SOD2: variants seen among roughly 807,000 people sequenced by gnomAD.
SOD2 encodes the protein superoxide dismutase 2, also known as superoxide dismutase [Mn], mitochondrial.
A neutral mutation model predicts 27.0 loss-of-function variants in SOD2; 11 were observed. That is an observed-to-expected ratio of 0.41 (90% CI 0.26 to 0.67). The LOEUF (loss-of-function observed/expected upper bound fraction) is 0.67. Ranked by LOEUF, SOD2 falls within the 30% of genes least tolerant of loss-of-function variation. SOD2 has a pLI of 0.34. For synonymous variants in SOD2, 105 were observed against 103.0 expected (o/e 1.02, Z -0.12); for missense variants, 250 against 274.5 (o/e 0.91, Z 0.63).
At chr6:159,723,944 G>A (rs1273746726) in intron 1 of SOD2, among the ~76,000 whole-genome samples, 1 of 151,970 alleles carries the variant, frequency 6.6e-6, no homozygotes, top group Admixed American at 6.6e-5. Context: ...TTTGTATTTT[G>A]TAGAGACAAG....
chr6:159,735,047 TAAA>T (rs750259713), intron 1 of SOD2, among the ~76,000 whole-genome samples: 2 of 152,210 alleles, frequency 1.3e-5, no homozygotes, highest in South Asian at 2.1e-4. Context: ...TTTTGTATAA[TAAA>T]GAAGCTAATT....
intron 1 of SOD2, chr6:159,712,953 C>T: frequency 1.6e-6 from 1 of 608,422 alleles, no homozygotes; most frequent in Middle Eastern, 2.7e-4. Context: ...TGCATATTAG[C>T]TTTGTCTTTT....
chr6:159,740,044 G>A (rs1316498143), intron 1 of SOD2, among the ~76,000 whole-genome samples: 1 of 151,608 alleles, frequency 6.6e-6, no homozygotes, highest in African/African-American at 2.4e-5. Flanking sequence ...ATAGAGGTGA[G>A]GTGCTGCTCA....
At chr6:159,750,775 C>T (rs1198108763) in intron 1 of SOD2, among the ~76,000 whole-genome samples, 1 of 152,338 alleles carries the variant, frequency 6.6e-6, no homozygotes, top group East Asian at 1.9e-4. Context: ...ATAAAATTGG[C>T]TGTAAGCCAG....
intron 1 of SOD2, among the ~76,000 whole-genome samples, chr6:159,708,767 T>A (rs562269892): frequency 6.6e-6 from 1 of 152,178 alleles, no homozygotes; most frequent in South Asian, 2.1e-4. Context: ...TGGAAAAAAC[T>A]ACTTTAAAGT....
chr6:159,709,618 CAGGTGCTGGAG>C (rs1341748353), intron 1 of SOD2, among the ~76,000 whole-genome samples: 2 of 152,132 alleles, frequency 1.3e-5, no homozygotes, highest in Non-Finnish European at 2.9e-5. Context: ...CAGGAAACAA[CAGGTGCTGGAG>C]AGGATGTGGA....
At chr6:159,729,959 T>C (rs1778467198), upstream of SOD2, among the ~76,000 whole-genome samples, 1 of 152,210 alleles carries the variant, frequency 6.6e-6, no homozygotes, top group African/African-American at 2.4e-5. Flanking sequence ...AACTCCATAC[T>C]AAGCTGTTTT....
At chr6:159,761,604 CGA>C in exon 1 of SOD2, 1 of 455,866 alleles carries the variant, frequency 2.2e-6, no homozygotes, top group Non-Finnish European at 4.4e-6. Flanking sequence ...GGCTCGCACT[CGA>C]GATTCTCGCC....
rs143645511 is a variant in SOD2 at position 159,740,894 on chromosome 6, G to A, written c.-116+4236C>T. Among the ~76,000 whole-genome samples, 953 of 152,018 alleles carry A rather than the reference G, an allele frequency of 6.3e-3. 11 individuals are homozygous for A. The highest frequency in any genetic ancestry group is 0.022 in the African/African-American group (919 of 41,472). On this transcript the variant is annotated intron_variant, in intron 1 of 3. Transcript: ENST00000537657. ...TTTTTTTGTATTTTCAGTAGAGACG[G>A]GATTTCACTGTGTTGGCCAGGATGG...
chr6:159,758,711 G>C (rs1780064707), intron 1 of SOD2, among the ~76,000 whole-genome samples: 1 of 152,172 alleles, frequency 6.6e-6, no homozygotes, highest in Non-Finnish European at 1.5e-5. Context: ...GTGGTAAGGA[G>C]TACACTGCTG....
upstream of SOD2, among the ~76,000 whole-genome samples, chr6:159,695,470 G>A (rs1023813139): frequency 2.0e-5 from 3 of 152,100 alleles, no homozygotes; most frequent in African/African-American, 7.2e-5. Context: ...GGATATGGGA[G>A]GTAAAGAAAA....
At chr6:159,734,256 C>G (rs751526689) in intron 1 of SOD2, among the ~76,000 whole-genome samples, 29 of 151,742 alleles carry the variant, frequency 1.9e-4, no homozygotes, top group Non-Finnish European at 3.4e-4. Context: ...TCAAGCAGCT[C>G]TCCTGCCTCA....
chr6:159,749,120 A>G, upstream of SOD2: 2 of 986,318 alleles, frequency 2.0e-6, no homozygotes, highest in Non-Finnish European at 2.4e-6. Flanking sequence ...AATGGTTGCA[A>G]AAACTGTAGA....
chr6:159,713,258 C>T (rs1293707096), intron 1 of SOD2: 14 of 719,190 alleles, frequency 1.9e-5, no homozygotes, highest in African/African-American at 7.1e-5. Flanking sequence ...ATTACAGCCA[C>T]GATAGTCATC....
chr6:159,715,985 A>C (rs892526795), intron 1 of SOD2, among the ~76,000 whole-genome samples: 1 of 152,154 alleles, frequency 6.6e-6, no homozygotes, highest in African/African-American at 2.4e-5. Context: ...TGTCTTATAA[A>C]AGTTTGGTTT....
chr6:159,755,341 A>G (rs1340394472), intron 1 of SOD2: 1 of 1,614,234 alleles, frequency 6.2e-7, no homozygotes, highest in Non-Finnish European at 8.5e-7. Flanking sequence ...CTTCTTCTCC[A>G]GGGAATGGTA....
At chr6:159,692,922 G>C (rs769898701) in intron 1 of SOD2, 59 bp from the exon 2 acceptor site, 13 of 1,442,420 alleles carry the variant, frequency 9.0e-6, no homozygotes, top group Admixed American at 5.0e-5. Context: ...TACGCAGGCT[G>C]GGCTGCCGAG....
At chr6:159,754,371 G>C (rs1656189650) in intron 1 of SOD2, among the ~76,000 whole-genome samples, 1 of 152,106 alleles carries the variant, frequency 6.6e-6, no homozygotes, top group Non-Finnish European at 1.5e-5. Context: ...CTATCCTTAA[G>C]GATCAGACTT....
In SOD2 at chr6:159,669,632, C is replaced by T. The variant is rs1779613191; in HGVS notation, c.*12861G>A. The T allele has an allele frequency of 6.6e-6, 1 of 151,994 alleles. No homozygotes were observed. The highest frequency in any genetic ancestry group is 1.5e-5 in the Non-Finnish European group (1 of 67,996). 9.4% of individuals were successfully genotyped at this position (151,994 alleles called of 1,614,324 possible). On this transcript the variant is annotated 3_prime_UTR_variant, in exon 5 of 5. Transcript: ENST00000538183. ...GACTAGCCAGGCAACATAGCATAACCCCATCTCTACAAAAAAATTTTCTTA... is the reference window on the plus strand; with the variant it reads ...GACTAGCCAGGCAACATAGCATAACTCCATCTCTACAAAAAAATTTTCTTA...
Sources: gnomAD v4.1 joint callset for allele counts (sites outside exome capture counted in the v4.1 genomes callset) on GRCh38, gnomAD v4.1.1 for gene constraint, MANE v1.5 for transcripts, NCBI Gene and HGNC (gene_info 2026-07-23, HGNC 2026-07-21) for gene names.